NDRG3: variants seen among roughly 807,000 people sequenced by gnomAD.
The protein encoded by NDRG3 is protein NDRG3.
NDRG3 carries 23 observed loss-of-function variants against 57.2 expected under a neutral mutation model. The observed-to-expected ratio is 0.40, with a 90% CI of 0.29 to 0.57. The LOEUF (loss-of-function observed/expected upper bound fraction) is 0.57, where lower values mean the gene tolerates loss of function less well. Among genes scored for constraint, NDRG3 ranks in the 20% least tolerant of loss-of-function variants. The pLI is 0.42. For missense variants in NDRG3, 384 were observed against 457.3 expected, an observed-to-expected ratio of 0.84 and a Z score of 1.46; for synonymous variants, 132 against 162.6, an observed-to-expected ratio of 0.81 and a Z score of 1.43.
At chr20:36,676,258 C>T (rs1980696005) in intron 8 of NDRG3, among the ~76,000 whole-genome samples, 2 of 151,862 alleles carry the variant, frequency 1.3e-5, no homozygotes, top group South Asian at 4.2e-4. Context: ...TAAATACATA[C>T]ATAAATAAAT....
In NDRG3 at chr20:36,695,696, T is replaced by A. The variant is rs543884065; in HGVS notation, c.94-6912A>T. On this transcript the variant is annotated intron_variant, in intron 3 of 15. Coordinates refer to ENST00000349004, the MANE Select transcript of NDRG3 (RefSeq NM_032013.4). Reference sequence around the variant, plus strand: ...TCTCTGCTCTTGAACCCTGTTAAGATGTTTATCAATGACAATGCATGCACA... The same window carrying A: ...TCTCTGCTCTTGAACCCTGTTAAGAAGTTTATCAATGACAATGCATGCACA... Among the ~76,000 whole-genome samples the A allele has an allele frequency of 2.0e-5, 3 of 152,322 alleles. No individual in the cohort carries two copies. The East Asian group carries it at 5.8e-4, about 29-fold the overall frequency.
At chr20:36,690,050 G>T (rs1314311664) in intron 3 of NDRG3, among the ~76,000 whole-genome samples, 1 of 152,066 alleles carries the variant, frequency 6.6e-6, no homozygotes. Context: ...TCTAACTTCA[G>T]CTTGGCTCTC....
intron 6 of NDRG3, 81 bp from the exon 7 acceptor site, chr20:36,682,659 G>A: frequency 8.3e-7 from 1 of 1,207,304 alleles, no homozygotes; most frequent in Non-Finnish European, 1.2e-6. Context: ...ATACAACCTG[G>A]GTTGAAATCC....
At position 36,734,206 on chromosome 20, in the gene NDRG3, CA is replaced by C. The variant is rs572585665; in HGVS notation, c.-49+11838del. Among the ~76,000 whole-genome samples the C allele has an allele frequency of 8.6e-3, 1,096 of 128,064 alleles. 8 individuals carry two copies. Among genetic ancestry groups the C allele is most frequent in the African/African-American group, 0.025 (889 of 35,572 alleles). 84.0% of individuals were successfully genotyped at this position (128,064 alleles called of 152,430 possible). The stretch of plus-strand genomic sequence containing the variant: ...TGAGTGACAGAGCGAGACTCCGTCT[CA>C]AAAAAAAAAAAAGAGGTGACATGGA... On this transcript the variant is annotated intron_variant, in intron 1 of 15. Transcript: ENST00000349004.
intron 3 of NDRG3, among the ~76,000 whole-genome samples, chr20:36,696,412 C>A (rs1982791006): frequency 6.6e-6 from 1 of 151,582 alleles, no homozygotes; most frequent in African/African-American, 2.4e-5. Flanking sequence ...AACTTCTAAG[C>A]TCAAGCAATC....
In NDRG3 at chr20:36,656,505, C is replaced by A; in HGVS notation, c.886G>T (p.Val296Leu). ...AAAAAAATTCTCCTTACCTGAACTACCTGGGGCAGTCCCCCACAGTCCGCC... is the reference window on the plus strand; with the variant it reads ...AAAAAAATTCTCCTTACCTGAACTAACTGGGGCAGTCCCCCACAGTCCGCC... ...KMADCGGLPQ[V>L]VQPGKLTEAF... Residue 296 changes from valine to leucine, a missense_variant, in exon 14 of 16, where the codon GTA becomes TTA. Val to Leu is a conservative substitution (Grantham distance 32). Coordinates refer to ENST00000349004, the MANE Select transcript of NDRG3 (RefSeq NM_032013.4). The A allele has an allele frequency of 6.2e-7, 1 of 1,614,112 alleles. No individual in the cohort carries two copies. Among genetic ancestry groups the A allele is most frequent in the Non-Finnish European group, 8.5e-7 (1 of 1,179,986 alleles).
chr20:36,714,618 T>G (rs1984119453), intron 2 of NDRG3, among the ~76,000 whole-genome samples: 1 of 150,250 alleles, frequency 6.7e-6, no homozygotes, highest in Non-Finnish European at 1.5e-5. Flanking sequence ...TTTTTTTTGT[T>G]TGTTTGTTTT....
chr20:36,668,822 T>TAGCGAG (rs1979868729), intron 9 of NDRG3, among the ~76,000 whole-genome samples: 1 of 151,434 alleles, frequency 6.6e-6, no homozygotes, highest in African/African-American at 2.4e-5. Context: ...ATTGTATATA[T>TAGCGAG]AGCGAGAGAA....
In NDRG3 at chr20:36,653,474, T is replaced by G; in HGVS notation, c.*46A>C. ...GATGAAATGTTATATTATGGAGTGG[T>G]CATTTGAAGGATGGACTTGCAATGG... On this transcript the variant is annotated 3_prime_UTR_variant, in exon 16 of 16. Coordinates refer to ENST00000349004, the MANE Select transcript of NDRG3 (RefSeq NM_032013.4). This position sits in a 1 kb window ranked among gnomAD's most constrained non-coding sequence, Gnocchi z 4.2. The G allele has an allele frequency of 1.3e-6, 2 of 1,558,740 alleles. No individual in the cohort carries two copies.
At chr20:36,744,400 T>TA (rs887874625) in intron 1 of NDRG3, among the ~76,000 whole-genome samples, 28 of 150,254 alleles carry the variant, frequency 1.9e-4, no homozygotes, top group African/African-American at 6.4e-4. Context: ...AAAGGGGGGG[T>TA]GGAAATTAAC....
intron 4 of NDRG3, 52 bp downstream of exon 4, chr20:36,688,627 C>A: frequency 7.5e-7 from 1 of 1,331,254 alleles, no homozygotes; most frequent in Non-Finnish European, 1.1e-6. Flanking sequence ...TGGTTTTTAA[C>A]ATACAAAGAT....
chr20:36,742,113 C>G (rs1188045321), intron 1 of NDRG3, among the ~76,000 whole-genome samples: 1 of 152,142 alleles, frequency 6.6e-6, no homozygotes, highest in Non-Finnish European at 1.5e-5. Flanking sequence ...CTTCTTGCCC[C>G]CTTTCCCCAG....
At position 36,668,796 on chromosome 20, in the gene NDRG3, AT is replaced by A. The variant is rs1273671465; in HGVS notation, c.589-2405del. 5 of 151,282 alleles carry A rather than the reference AT, an allele frequency of 3.3e-5. No individual in the cohort carries two copies. In the East Asian group the frequency reaches 9.6e-4, roughly 29 times the overall value. 9.4% of individuals were successfully genotyped at this position (151,282 alleles called of 1,614,324 possible). ...CATAGTTATATATATACATAGTTAT[AT>A]ATAGAGAGAGATAAATTGTATATAT... On this transcript the variant is annotated intron_variant, in intron 9 of 15. Transcript: ENST00000349004.
intron 2 of NDRG3, among the ~76,000 whole-genome samples, chr20:36,717,420 G>T (rs1022944790): frequency 3.9e-5 from 6 of 152,194 alleles, no homozygotes; most frequent in African/African-American, 1.4e-4. Context: ...GAAGGATAAG[G>T]TGAAATACTA....
intron 1 of NDRG3, among the ~76,000 whole-genome samples, chr20:36,734,226 A>T (rs1985494198): frequency 6.6e-6 from 1 of 152,018 alleles, no homozygotes; most frequent in South Asian, 2.1e-4. Flanking sequence ...AAAAGAGGTG[A>T]CATGGACTGA....
chr20:36,656,882 A>G (rs1333297041), intron 13 of NDRG3, among the ~76,000 whole-genome samples: 1 of 152,184 alleles, frequency 6.6e-6, no homozygotes, highest in Non-Finnish European at 1.5e-5. Flanking sequence ...TTCTCTGTGC[A>G]TCAAGCTTTC....
At chr20:36,724,466 G>C (rs1199890096) in intron 1 of NDRG3, among the ~76,000 whole-genome samples, 1 of 151,634 alleles carries the variant, frequency 6.6e-6, no homozygotes, top group Non-Finnish European at 1.5e-5. Context: ...CTCTTAAACA[G>C]TGAGTTTCAG....
At chr20:36,728,729 T>TG (rs1034370407) in intron 1 of NDRG3, among the ~76,000 whole-genome samples, 4 of 151,722 alleles carry the variant, frequency 2.6e-5, no homozygotes, top group African/African-American at 4.8e-5. Context: ...TTTGTTTTTT[T>TG]GGGGGGGAGG....
chr20:36,737,223 C>T (rs935329154), intron 1 of NDRG3, among the ~76,000 whole-genome samples: 1 of 152,120 alleles, frequency 6.6e-6, no homozygotes, highest in African/African-American at 2.4e-5. Flanking sequence ...GAAGTTTTAA[C>T]ACAGGAGTCA....
Sources: gnomAD v4.1 joint callset for allele counts (sites outside exome capture counted in the v4.1 genomes callset) on GRCh38, gnomAD v4.1.1 for gene constraint, Gnocchi (gnomAD v3.1) non-coding constraint, MANE v1.5 for transcripts, NCBI Gene and HGNC (gene_info 2026-07-23, HGNC 2026-07-21) for gene names.